PDE4B: variants seen among roughly 807,000 people sequenced by gnomAD.
PDE4B encodes the protein phosphodiesterase 4B, also known as 3',5'-cyclic-AMP phosphodiesterase 4B.
Under a neutral mutation model 82.2 loss-of-function variants are expected in PDE4B, and 20 were observed. That is an observed-to-expected ratio of 0.24 (90% CI 0.17 to 0.35). The LOEUF (loss-of-function observed/expected upper bound fraction) is 0.35. Ranked by LOEUF, PDE4B falls within the 10% of genes least tolerant of loss-of-function variation. The probability of loss-of-function intolerance (pLI) is 1.00; values close to 1 mark genes in which losing one functional copy is unlikely to be tolerated. For synonymous variants in PDE4B, 320 were observed against 318.9 expected, an observed-to-expected ratio of 1.00 and a Z score of -0.04; for missense variants, 655 against 907.2, an observed-to-expected ratio of 0.72 and a Z score of 3.57.
intron 3 of PDE4B, among the ~76,000 whole-genome samples, chr1:66,185,243 T>C (rs1463338956): frequency 6.6e-6 from 1 of 152,228 alleles, no homozygotes; most frequent in African/African-American, 2.4e-5. Flanking sequence ...TCTATCATTG[T>C]TGGACATTTG....
chr1:66,024,877 A>T (rs1366339928), intron 3 of PDE4B, among the ~76,000 whole-genome samples: 2 of 152,032 alleles, frequency 1.3e-5, no homozygotes, highest in African/African-American at 4.8e-5. Context: ...CAGTGTAAAA[A>T]AGAGGCAAAT....
intron 3 of PDE4B, among the ~76,000 whole-genome samples, chr1:66,168,538 G>A (rs899545926): frequency 1.3e-5 from 2 of 152,184 alleles, no homozygotes; most frequent in African/African-American, 4.8e-5. Context: ...CTGGCATGGT[G>A]TAGTAACCAC....
At chr1:66,104,766 G>A (rs1470625873) in intron 3 of PDE4B, among the ~76,000 whole-genome samples, 17 of 149,108 alleles carry the variant, frequency 1.1e-4, no homozygotes, top group Admixed American at 6.7e-4. Context: ...CATGTCCTTC[G>A]CCCACTTTTT....
intron 3 of PDE4B, among the ~76,000 whole-genome samples, chr1:66,198,502 G>C (rs1445789985): frequency 6.6e-6 from 1 of 152,092 alleles, no homozygotes; most frequent in African/African-American, 2.4e-5. Flanking sequence ...TCATCTTAGA[G>C]AAACTACAAT....
rs907083756 is a variant in PDE4B, at chr1:66,131,754, A to C, written c.282-115706A>C. 3.3e-5 allele frequency among the ~76,000 whole-genome samples: 5 copies of C among 151,380 alleles called. 1 individual carries two copies. Among genetic ancestry groups the C allele is most frequent in the African/African-American group, 4.9e-5 (2 of 41,218 alleles). On this transcript the variant is annotated intron_variant, in intron 3 of 16. Transcript: ENST00000341517. ...CTATGTACCAGACAGTGTTCTAAGC[A>C]ATGGGAATAGAACAATGAATGAGAA...
At chr1:65,996,475 G>GC (rs1651548731) in intron 3 of PDE4B, among the ~76,000 whole-genome samples, 1 of 151,946 alleles carries the variant, frequency 6.6e-6, no homozygotes, top group African/African-American at 2.4e-5. Flanking sequence ...ATTGAGCACT[G>GC]CTGTGAGCAA....
At chr1:66,114,630 CA>C (rs1645555506) in intron 3 of PDE4B, among the ~76,000 whole-genome samples, 2 of 146,406 alleles carry the variant, frequency 1.4e-5, no homozygotes, top group African/African-American at 5.1e-5. Flanking sequence ...CAGTAGCCCA[CA>C]ATTTTTTTTT....
intron 3 of PDE4B, among the ~76,000 whole-genome samples, chr1:66,082,210 CTT>C (rs1042836190): frequency 9.2e-5 from 14 of 152,016 alleles, no homozygotes; most frequent in African/African-American, 3.4e-4. Flanking sequence ...TTACTATTGA[CTT>C]TTATGCTTAT....
chr1:66,166,305 GA>G (rs1646730012), intron 3 of PDE4B, among the ~76,000 whole-genome samples: 1 of 152,104 alleles, frequency 6.6e-6, no homozygotes, highest in African/African-American at 2.4e-5. Context: ...GAAAACACAG[GA>G]GTAAATATTC....
chr1:66,347,575 T>G (rs1661499873), intron 8 of PDE4B, among the ~76,000 whole-genome samples: 1 of 152,172 alleles, frequency 6.6e-6, no homozygotes, highest in African/African-American at 2.4e-5. Flanking sequence ...GCCCTAGAGT[T>G]GATCTTGAAA....
At chr1:66,257,587 A>C in intron 4 of PDE4B, 60 bp from the exon 5 acceptor site, 1 of 1,356,618 alleles carries the variant, frequency 7.4e-7, no homozygotes, top group Non-Finnish European at 1.1e-6. Context: ...ATTATAGCTT[A>C]TATGTCACAG....
chr1:66,124,257 GA>G (rs1301588999), intron 3 of PDE4B, among the ~76,000 whole-genome samples: 5 of 152,144 alleles, frequency 3.3e-5, no homozygotes, highest in African/African-American at 1.2e-4. Flanking sequence ...GCTTGAAATG[GA>G]AAATGATCAT....
At position 65,793,828 on chromosome 1, in the gene PDE4B, G is replaced by A. The variant is rs183981705; in HGVS notation, c.-71+580G>A. On this transcript the variant is annotated intron_variant, in intron 1 of 16. Coordinates refer to ENST00000341517, the MANE Select transcript of PDE4B (RefSeq NM_002600.4). ...CTTTCTAGCTACAAGAGTGTGTTGG[G>A]GAAGGAAGAGGCTCTCCTCCTTTCT... Among the ~76,000 whole-genome samples, 118 of 152,270 alleles carry A rather than the reference G, an allele frequency of 7.7e-4. 1 individual carries two copies. The highest frequency in any genetic ancestry group is 2.7e-3 in the African/African-American group (111 of 41,556).
At chr1:66,041,088 T>G (rs1009178797) in intron 3 of PDE4B, among the ~76,000 whole-genome samples, 1 of 151,954 alleles carries the variant, frequency 6.6e-6, no homozygotes, top group African/African-American at 2.4e-5. Flanking sequence ...TTTCTAGAAC[T>G]AACCCATACT....
chr1:66,112,787 G>A (rs959932039), intron 3 of PDE4B: 1 of 152,104 alleles, frequency 6.6e-6, no homozygotes, highest in Non-Finnish European at 1.5e-5. Flanking sequence ...ATGGCTTCAT[G>A]TCCATCCATC....
chr1:66,111,508 C>T (rs955953283), intron 3 of PDE4B, among the ~76,000 whole-genome samples: 2 of 152,060 alleles, frequency 1.3e-5, no homozygotes, highest in Non-Finnish European at 2.9e-5. Flanking sequence ...TATAAGTAGA[C>T]TCATAGAATA....
intron 7 of PDE4B, among the ~76,000 whole-genome samples, chr1:66,277,041 G>A (rs753616883): frequency 3.3e-5 from 5 of 152,052 alleles, no homozygotes; most frequent in African/African-American, 4.8e-5. Flanking sequence ...TGTTATTATT[G>A]TTATCATTCT....
chr1:65,995,231 A>C (rs1426353512), intron 3 of PDE4B, among the ~76,000 whole-genome samples: 1 of 152,124 alleles, frequency 6.6e-6, no homozygotes, highest in Admixed American at 6.6e-5. Flanking sequence ...TTAGTAAAAC[A>C]GTTTCACAGT....
At chr1:65,929,826 C>A (rs1647730822) in intron 3 of PDE4B, among the ~76,000 whole-genome samples, 1 of 152,128 alleles carries the variant, frequency 6.6e-6, no homozygotes, top group Admixed American at 6.5e-5. Flanking sequence ...ACAATCCATG[C>A]CAAGGACTAT....
Sources: gnomAD v4.1 joint callset for allele counts (sites outside exome capture counted in the v4.1 genomes callset) on GRCh38, gnomAD v4.1.1 for gene constraint, MANE v1.5 for transcripts, NCBI Gene and HGNC (gene_info 2026-07-23, HGNC 2026-07-21) for gene names.